Variants in ATG7 observed in about 807,000 individuals in gnomAD.
ATG7 encodes the protein autophagy related 7.
Under a neutral mutation model 82.4 loss-of-function variants are expected in ATG7, and 70 were observed. That is an observed-to-expected ratio of 0.85 (90% confidence interval 0.70 to 1.04). The LOEUF is 1.04. Ranked by LOEUF, ATG7 falls within the 50% of genes least tolerant of loss-of-function variation. ATG7 has a pLI of 0.00. For missense variants in ATG7, 792 were observed against 864.3 expected (o/e 0.92, Z 1.05); for synonymous variants, 287 against 313.0 (o/e 0.92, Z 0.88).
chr3:11,307,459 A>G (rs1042927386), intron 6 of ATG7, among the ~76,000 whole-genome samples: 7 of 152,214 alleles, frequency 4.6e-5, no homozygotes, highest in African/African-American at 1.7e-4. Context: ...ATGGCGGTAG[A>G]GGAGATTATC....
the ATG7 span, among the ~76,000 whole-genome samples, chr3:11,566,902 A>G: frequency 6.6e-6 from 1 of 152,198 alleles, no homozygotes; most frequent in African/African-American, 2.4e-5. Context: ...AATGAAGAGA[A>G]GCAGCATATG....
intron 20 of ATG7, among the ~76,000 whole-genome samples, chr3:11,496,086 T>C (rs918281958): frequency 3.3e-5 from 5 of 151,930 alleles, no homozygotes; most frequent in African/African-American, 1.2e-4. Context: ...ACAGTGAGAG[T>C]GGGTACACAA....
At chr3:11,365,167 G>A (rs562834528) in intron 18 of ATG7, among the ~76,000 whole-genome samples, 2 of 152,324 alleles carry the variant, frequency 1.3e-5, no homozygotes, top group South Asian at 4.1e-4. Flanking sequence ...TATGGATTAT[G>A]GATGGTTGCT....
At chr3:11,385,944 G>A (rs868470848) in intron 19 of ATG7, among the ~76,000 whole-genome samples, 5 of 152,160 alleles carry the variant, frequency 3.3e-5, no homozygotes, top group Admixed American at 6.5e-5. Context: ...TCTGGTATAC[G>A]TTGTCTAATG....
chr3:11,554,970 T>G lies in ATG7; in HGVS notation c.*127T>G. On this transcript the variant is annotated 3_prime_UTR_variant, in exon 21 of 21. Coordinates refer to ENST00000693202, the MANE Select transcript of ATG7 (RefSeq NM_001349232.2). Reference sequence around the variant, plus strand: ...CTCCTCCATACCCCGAGGTCTGGGATTCCCCCCTCTGCTGCCCAGGAGTGG... The same window carrying G: ...CTCCTCCATACCCCGAGGTCTGGGAGTCCCCCCTCTGCTGCCCAGGAGTGG... The G allele has an allele frequency of 3.3e-6, 4 of 1,202,046 alleles. No homozygotes were observed. The highest frequency in any genetic ancestry group is 1.5e-5 in the African/African-American group (1 of 65,310). 74.5% of individuals were successfully genotyped at this position (1,202,046 alleles called of 1,614,324 possible). A position where few individuals can be genotyped will look rare whatever the true frequency, so the allele number is the denominator to read the frequency against.
chr3:11,563,159 C>T, the ATG7 span, among the ~76,000 whole-genome samples: 1,771 of 150,486 alleles, frequency 0.012, 30 homozygotes, highest in African/African-American at 0.04. Context: ...GCAGAGATAG[C>T]TTGTAAGGCT....
rs377506754 is a variant in ATG7 at position 11,360,591 on chromosome 3, A to G, written c.1490A>G (p.Asn497Ser). ...CCTTGAAACCTGCAGCTGGTCATCA[A>G]TGCTGCTTTGGGATTTGACACATTT... Reference protein sequence around the residue: ...IAASKRKLVINAALGFDTFVV... With the variant: ...IAASKRKLVISAALGFDTFVV... The change falls in exon 16 of 21, where the codon AAT (asparagine) becomes AGT (serine). Residue 497 changes from asparagine to serine, a missense_variant. Physicochemically the swap from Asn to Ser is conservative, Grantham distance 46 (BLOSUM62 1). Transcript: ENST00000693202. 2 of 1,613,516 alleles carry G rather than the reference A, an allele frequency of 1.2e-6. No individual in the cohort carries two copies. The highest frequency in any genetic ancestry group is 1.7e-6 in the Non-Finnish European group (2 of 1,179,846).
chr3:11,517,665 C>T (rs940921875), intron 20 of ATG7, among the ~76,000 whole-genome samples: 8 of 152,050 alleles, frequency 5.3e-5, no homozygotes, highest in Middle Eastern at 3.2e-3. Context: ...TAAGGTGTGA[C>T]GGGAAAGGGC....
At chr3:11,569,924 T>C in the ATG7 span, among the ~76,000 whole-genome samples, 2 of 152,168 alleles carry the variant, frequency 1.3e-5, no homozygotes, top group Non-Finnish European at 2.9e-5. Flanking sequence ...TTAAAAAGCT[T>C]CCTCAGAAAA....
chr3:11,455,925 C>T (rs973709270), intron 20 of ATG7, among the ~76,000 whole-genome samples: 7 of 152,184 alleles, frequency 4.6e-5, no homozygotes, highest in Non-Finnish European at 1.0e-4. Flanking sequence ...TTCTGTATCC[C>T]TTCTTTGAAC....
intron 19 of ATG7, among the ~76,000 whole-genome samples, chr3:11,418,986 C>T (rs557559049): frequency 7.0e-4 from 107 of 152,124 alleles, no homozygotes; most frequent in African/African-American, 2.4e-3. Flanking sequence ...ATCCAGTCAC[C>T]GCCCACCAGG....
At chr3:11,313,059 G>T (rs561010626) in intron 7 of ATG7, among the ~76,000 whole-genome samples, 1 of 152,244 alleles carries the variant, frequency 6.6e-6, no homozygotes, top group South Asian at 2.1e-4. Context: ...TTAGCAAGTG[G>T]TCAATAAAGT....
At chr3:11,404,125 A>AT (rs10591303) in intron 19 of ATG7, among the ~76,000 whole-genome samples, 33,182 of 76,766 alleles carry the variant, frequency 0.43, 7,500 homozygotes, top group East Asian at 0.54. Flanking sequence ...AACCAGCTCA[A>AT]TTTTTTTTTT....
In ATG7 at chr3:11,463,879, G is replaced by T. The variant is rs533921683; in HGVS notation, c.2079+36953G>T. 2.0e-5 allele frequency among the ~76,000 whole-genome samples: 3 copies of T among 152,306 alleles called. No homozygotes were observed. The East Asian group carries it at 5.8e-4, about 29-fold the overall frequency. On this transcript the variant is annotated intron_variant, in intron 20 of 20. Coordinates refer to ENST00000693202, the MANE Select transcript of ATG7 (RefSeq NM_001349232.2). The stretch of plus-strand genomic sequence containing the variant: ...TTTTGGGACCAGTCAAGTTAGACTA[G>T]AGAGGCAGAGTCTGTAAAGGAACGT...
At chr3:11,327,774 A>G (rs1951083710) in intron 9 of ATG7, among the ~76,000 whole-genome samples, 1 of 152,122 alleles carries the variant, frequency 6.6e-6, no homozygotes, top group African/African-American at 2.4e-5. Context: ...CGGCCATTAG[A>G]AGGTTGAGGA....
At chr3:11,478,230 A>T (rs900169670) in intron 20 of ATG7, among the ~76,000 whole-genome samples, 2 of 152,214 alleles carry the variant, frequency 1.3e-5, no homozygotes, top group African/African-American at 4.8e-5. Flanking sequence ...AATCTAAAGT[A>T]TCCAAACTTA....
At chr3:11,539,036 C>T (rs1289937989) in intron 20 of ATG7, among the ~76,000 whole-genome samples, 2 of 152,032 alleles carry the variant, frequency 1.3e-5, no homozygotes, top group African/African-American at 4.8e-5. Context: ...GGCTGTAATA[C>T]AAGGTCGATT....
intron 20 of ATG7, among the ~76,000 whole-genome samples, chr3:11,496,677 C>T (rs777060258): frequency 6.6e-6 from 1 of 152,128 alleles, no homozygotes; most frequent in Non-Finnish European, 1.5e-5. Flanking sequence ...CAAATACTGT[C>T]TCATTTGATC....
chr3:11,386,033 C>G (rs918463935), intron 19 of ATG7, among the ~76,000 whole-genome samples: 4 of 152,140 alleles, frequency 2.6e-5, no homozygotes, highest in African/African-American at 9.7e-5. Flanking sequence ...AGGGAGTTTC[C>G]TAGCCTAAGG....
Sources: gnomAD v4.1 joint callset for allele counts (sites outside exome capture counted in the v4.1 genomes callset) on GRCh38, gnomAD v4.1.1 for gene constraint, MANE v1.5 for transcripts, NCBI Gene and HGNC (gene_info 2026-07-23, HGNC 2026-07-21) for gene names.